The following ZNF487 variants were observed in gnomAD, a reference collection of about 807,000 sequenced individuals.
ZNF487 encodes KRAB domain only 1.
ZNF487 carries 4 observed loss-of-function variants against 3.0 expected under a neutral mutation model. The ratio of observed to expected loss-of-function variants is 1.35; its 90% CI spans 0.66 to 3.08. ZNF487 has a LOEUF of 3.08. Ranked by LOEUF, ZNF487 falls within the 30% of genes most tolerant of loss-of-function variation. ZNF487 has a pLI of 0.01. For missense variants in ZNF487, 146 were observed against 98.7 expected (o/e 1.48, Z -2.03); for synonymous variants, 55 against 34.6 (o/e 1.59, Z -2.06).
the ZNF487 span, among the ~76,000 whole-genome samples, chr10:43,489,757 T>C: frequency 6.6e-6 from 1 of 152,116 alleles, no homozygotes; most frequent in South Asian, 2.1e-4. Context: ...AGGCAAAAAT[T>C]TAGTTTCACT....
chr10:43,445,004 C>T (rs980049855), intron 1 of ZNF487, among the ~76,000 whole-genome samples: 3 of 152,106 alleles, frequency 2.0e-5, no homozygotes, highest in Non-Finnish European at 4.4e-5. Context: ...TGACACAGCT[C>T]AGTGATGTTC....
the ZNF487 span, among the ~76,000 whole-genome samples, chr10:43,521,391 G>C: frequency 6.6e-6 from 1 of 152,074 alleles, no homozygotes; most frequent in Non-Finnish European, 1.5e-5. Context: ...CTTGCACTTA[G>C]GAACACGAGA....
intron 1 of ZNF487, among the ~76,000 whole-genome samples, chr10:43,465,823 AG>A (rs1399869476): frequency 4.6e-5 from 7 of 152,178 alleles, no homozygotes; most frequent in Admixed American, 4.6e-4. Flanking sequence ...GCACTTTGGG[AG>A]GCCAAGGCAG....
the ZNF487 span, among the ~76,000 whole-genome samples, chr10:43,502,474 T>C: frequency 9.2e-5 from 14 of 152,098 alleles, no homozygotes; most frequent in African/African-American, 3.4e-4. Context: ...TATACATATG[T>C]AACAAACCTG....
chr10:43,503,494 T>C, the ZNF487 span, among the ~76,000 whole-genome samples: 1 of 152,216 alleles, frequency 6.6e-6, no homozygotes, highest in Non-Finnish European at 1.5e-5. Context: ...GTAATAGTAC[T>C]GTTCTAGGCC....
intron 1 of ZNF487, among the ~76,000 whole-genome samples, chr10:43,460,177 T>G (rs1840377966): frequency 6.6e-6 from 1 of 152,094 alleles, no homozygotes; most frequent in South Asian, 2.1e-4. Flanking sequence ...TTATATTGTT[T>G]TATTCTTTTT....
intron 3 of ZNF487, among the ~76,000 whole-genome samples, chr10:43,480,600 G>C (rs986098639): frequency 4.6e-5 from 7 of 151,898 alleles, no homozygotes; most frequent in African/African-American, 1.7e-4. Flanking sequence ...ATTTTTAGTA[G>C]AGATGGGGTT....
chr10:43,443,420 C>T (rs915896717), intron 1 of ZNF487, among the ~76,000 whole-genome samples: 2 of 149,638 alleles, frequency 1.3e-5, no homozygotes, highest in African/African-American at 4.9e-5. Context: ...GTCACCCAGG[C>T]TGGAGTGCAA....
At chr10:43,509,533 C>T in the ZNF487 span, among the ~76,000 whole-genome samples, 6 of 150,336 alleles carry the variant, frequency 4.0e-5, no homozygotes, top group South Asian at 4.2e-4. Context: ...CCCCACAACA[C>T]GCCATCTGCA....
chr10:43,471,212 T>C (rs888697527), intron 1 of ZNF487, among the ~76,000 whole-genome samples: 1 of 152,134 alleles, frequency 6.6e-6, no homozygotes, highest in African/African-American at 2.4e-5. Context: ...CCTTGCAGGA[T>C]GGAGCACGTG....
rs188852338 is a variant in ZNF487 at position 43,474,368 on chromosome 10, T to G, written c.-93-1353T>G. ...ACTCAGGAGGCTGAAGCAGGAGAAT[T>G]GCTTGAACCTGGGAGGTGGAGGTTG... is the stretch of plus-strand genomic sequence containing the variant. On this transcript the variant is annotated intron_variant, in intron 1 of 3. Transcript: ENST00000437590. 1.5e-3 allele frequency among the ~76,000 whole-genome samples: 230 copies of G among 151,678 alleles called. 1 individual carries two copies. The highest frequency in any genetic ancestry group is 5.2e-3 in the African/African-American group (217 of 41,400).
the ZNF487 span, among the ~76,000 whole-genome samples, chr10:43,504,575 G>A: frequency 6.6e-6 from 1 of 151,902 alleles, no homozygotes; most frequent in African/African-American, 2.4e-5. Flanking sequence ...GATTACAGGC[G>A]TGAGCCACCA....
intron 1 of ZNF487, among the ~76,000 whole-genome samples, chr10:43,469,782 C>G (rs1349968823): frequency 1.3e-5 from 2 of 151,988 alleles, no homozygotes; most frequent in African/African-American, 4.8e-5. Context: ...AACCCTGTCT[C>G]TACCAAAAAA....
chr10:43,493,717 T>A, the ZNF487 span, among the ~76,000 whole-genome samples: 3,229 of 21,874 alleles, frequency 0.15, 215 homozygotes, highest in African/African-American at 0.23. Flanking sequence ...AAAATATATA[T>A]ATATATATAT....
chr10:43,469,589 C>T (rs1840832508), intron 1 of ZNF487, among the ~76,000 whole-genome samples: 1 of 152,106 alleles, frequency 6.6e-6, no homozygotes, highest in Non-Finnish European at 1.5e-5. Context: ...GATCCTCCCA[C>T]TTCAACCTTC....
At chr10:43,520,189 GTT>G in the ZNF487 span, among the ~76,000 whole-genome samples, 34 of 151,374 alleles carry the variant, frequency 2.2e-4, no homozygotes, top group East Asian at 3.9e-4. Flanking sequence ...TTCTTGACTA[GTT>G]TTTTTTTTCC....
the ZNF487 span, among the ~76,000 whole-genome samples, chr10:43,517,988 A>G: frequency 6.6e-6 from 1 of 152,202 alleles, no homozygotes; most frequent in Non-Finnish European, 1.5e-5. Context: ...ACCAGTGGCC[A>G]CTTTCAGGCA....
chr10:43,439,780 T>C (rs1343863874), intron 1 of ZNF487, among the ~76,000 whole-genome samples: 2 of 152,200 alleles, frequency 1.3e-5, no homozygotes, highest in East Asian at 3.9e-4. Context: ...CGATATTATG[T>C]TAAGTGAAGT....
chr10:43,462,510 C>T (rs1840468800), intron 1 of ZNF487, among the ~76,000 whole-genome samples: 1 of 141,858 alleles, frequency 7.0e-6, no homozygotes, highest in South Asian at 2.2e-4. Context: ...GGCTGGAGTG[C>T]AGTGGCGTGA....
Sources: allele counts gnomAD v4.1 joint callset (sites outside exome capture counted in the v4.1 genomes callset), GRCh38; gene constraint gnomAD v4.1.1; transcripts MANE v1.5; gene names NCBI Gene and HGNC (gene_info 2026-07-23, HGNC 2026-07-21).